OCA2: variants seen among roughly 807,000 people sequenced by gnomAD.
OCA2 encodes OCA2 melanosomal transmembrane protein.
Under a neutral mutation model 100.2 loss-of-function variants are expected in OCA2, and 77 were observed. The observed-to-expected ratio is 0.77, with a 90% CI of 0.64 to 0.93. The LOEUF (loss-of-function observed/expected upper bound fraction) is 0.93. Ranked by LOEUF, OCA2 falls within the 40% of genes least tolerant of loss-of-function variation. The pLI is 0.00. For missense variants in OCA2, 1,062 were observed against 1,089.1 expected (o/e 0.98, Z 0.35); for synonymous variants, 432 against 439.2 (o/e 0.98, Z 0.21).
intron 2 of OCA2, among the ~76,000 whole-genome samples, chr15:28,057,301 T>G (rs2043731938): frequency 6.6e-6 from 1 of 152,206 alleles, no homozygotes; most frequent in Non-Finnish European, 1.5e-5. Context: ...CCTGGCAACC[T>G]ACAGGAGCTA....
intron 23 of OCA2, 51 bp from the exon 24 acceptor site, chr15:27,755,523 A>C: frequency 6.9e-4 from 963 of 1,403,646 alleles, no homozygotes; most frequent in Non-Finnish European, 8.9e-4. Flanking sequence ...GGATAATCTC[A>C]TGAGATACGG....
chr15:28,033,138 C>T (rs1450608209), intron 2 of OCA2, among the ~76,000 whole-genome samples: 2 of 152,238 alleles, frequency 1.3e-5, no homozygotes, highest in South Asian at 2.1e-4. Flanking sequence ...AGTAACTGCA[C>T]AACCACAACC....
At chr15:27,981,495 C>A (rs1035642122) in intron 14 of OCA2, among the ~76,000 whole-genome samples, 2 of 152,082 alleles carry the variant, frequency 1.3e-5, no homozygotes, top group Non-Finnish European at 2.9e-5. Context: ...CAGTTTGGTT[C>A]TTTGGGGTCT....
intron 11 of OCA2, 88 bp downstream of exon 11, chr15:27,989,513 A>G (rs1288990554): frequency 1.9e-6 from 2 of 1,063,810 alleles, no homozygotes; most frequent in Admixed American, 1.8e-5. Context: ...TGTCTTTAAC[A>G]TAATGAAGGA....
At position 27,845,055 on chromosome 15, in the gene OCA2, A is replaced by G. The variant is rs892044382; in HGVS notation, c.2339-3T>C. 1 of 1,612,758 alleles carries G rather than the reference A, an allele frequency of 6.2e-7. No homozygotes were observed. The highest frequency in any genetic ancestry group is 1.3e-5 in the African/African-American group (1 of 75,014). On this transcript the variant is annotated splice_polypyrimidine_tract_variant and splice_region_variant and intron_variant, in intron 22 of 23. Coordinates refer to ENST00000354638, the MANE Select transcript of OCA2 (RefSeq NM_000275.3). ...CGCGCCAATCAGTGTCCCGTTACCT[A>G]AAGTCAAAATTTAAAAACAAAATCC...
At chr15:28,035,292 T>C (rs902666066) in intron 2 of OCA2, among the ~76,000 whole-genome samples, 8 of 152,184 alleles carry the variant, frequency 5.3e-5, no homozygotes, top group Non-Finnish European at 4.4e-5. Context: ...AATCCAAAAA[T>C]AAAATGAGTT....
chr15:27,873,152 A>C (rs1204456327), intron 19 of OCA2, among the ~76,000 whole-genome samples: 1 of 152,238 alleles, frequency 6.6e-6, no homozygotes, highest in East Asian at 1.9e-4. Context: ...ATCTCTTTAG[A>C]GCAGGGTTTC....
At chr15:27,980,969 C>CT in intron 14 of OCA2, among the ~76,000 whole-genome samples, 1 of 152,136 alleles carries the variant, frequency 6.6e-6, no homozygotes, top group Non-Finnish European at 1.5e-5. Flanking sequence ...TTTCCGTTCC[C>CT]CTCTCTCCTT....
intron 9 of OCA2, among the ~76,000 whole-genome samples, chr15:28,012,184 A>T (rs150802340): frequency 1.3e-5 from 2 of 152,230 alleles, no homozygotes; most frequent in Admixed American, 1.3e-4. Context: ...ACATGAAAAG[A>T]TAATATCCAA....
chr15:27,802,080 A>G (rs907002283), intron 23 of OCA2, among the ~76,000 whole-genome samples: 1 of 152,180 alleles, frequency 6.6e-6, no homozygotes, highest in Non-Finnish European at 1.5e-5. Flanking sequence ...CAAAAAGACT[A>G]CTAGACCTAG....
chr15:27,825,319 A>G (rs189007498), intron 23 of OCA2, among the ~76,000 whole-genome samples: 1 of 152,284 alleles, frequency 6.6e-6, no homozygotes, highest in East Asian at 1.9e-4. Context: ...ACGTAGACAC[A>G]GTTTCCATCC....
intron 23 of OCA2, among the ~76,000 whole-genome samples, chr15:27,759,890 C>T (rs2030695408): frequency 6.6e-6 from 1 of 152,124 alleles, no homozygotes; most frequent in Non-Finnish European, 1.5e-5. Context: ...CAGCCAACAA[C>T]AGCAGAATGC....
chr15:27,959,602 C>A (rs1459463668), intron 15 of OCA2, among the ~76,000 whole-genome samples: 1 of 152,188 alleles, frequency 6.6e-6, no homozygotes, highest in Non-Finnish European at 1.5e-5. Flanking sequence ...AAAGTGCTCA[C>A]ACCTCTGCGT....
chr15:27,958,860 G>A (rs1262724123), intron 15 of OCA2, among the ~76,000 whole-genome samples: 1 of 152,156 alleles, frequency 6.6e-6, no homozygotes, highest in Non-Finnish European at 1.5e-5. Context: ...TTTCAAGCAG[G>A]CGCTGGGGCA....
intron 2 of OCA2, among the ~76,000 whole-genome samples, chr15:28,049,125 C>T (rs752385215): frequency 7.2e-5 from 11 of 152,108 alleles, no homozygotes; most frequent in Non-Finnish European, 1.6e-4. Context: ...ACTCCTACAA[C>T]TCAACAACAA....
intron 23 of OCA2, among the ~76,000 whole-genome samples, chr15:27,831,679 C>G (rs2034963516): frequency 6.6e-6 from 1 of 152,312 alleles, no homozygotes; most frequent in South Asian, 2.1e-4. Flanking sequence ...CCGGAGCTGC[C>G]TGCAGCCGTT....
chr15:27,985,742 G>T (rs186936670), intron 12 of OCA2, among the ~76,000 whole-genome samples: 1 of 151,946 alleles, frequency 6.6e-6, no homozygotes, highest in Admixed American at 6.6e-5. Flanking sequence ...ACCCAGGCTG[G>T]AGTTTGGTGG....
At chr15:28,027,449 G>A (rs1054539925) in intron 4 of OCA2, among the ~76,000 whole-genome samples, 2 of 152,192 alleles carry the variant, frequency 1.3e-5, no homozygotes, top group African/African-American at 4.8e-5. Flanking sequence ...GGTTTCTGGA[G>A]CCCACAGCAC....
At chr15:27,904,697 A>G (rs2038101463) in intron 19 of OCA2, among the ~76,000 whole-genome samples, 1 of 152,202 alleles carries the variant, frequency 6.6e-6, no homozygotes, top group African/African-American at 2.4e-5. Context: ...GGGAACACCA[A>G]GTTGCAAAGT....
Sources: gnomAD v4.1 joint callset for allele counts (sites outside exome capture counted in the v4.1 genomes callset) on GRCh38, gnomAD v4.1.1 for gene constraint, MANE v1.5 for transcripts, NCBI Gene and HGNC (gene_info 2026-07-23, HGNC 2026-07-21) for gene names.